Variants in SHLD2 observed in about 807,000 individuals in gnomAD.
SHLD2 encodes shieldin complex subunit 2.
SHLD2 carries 30 observed loss-of-function variants against 73.2 expected under a neutral mutation model. The ratio of observed to expected loss-of-function variants is 0.41; its 90% CI spans 0.31 to 0.56. The LOEUF (loss-of-function observed/expected upper bound fraction) is 0.56, where lower values mean the gene tolerates loss of function less well. Ranked by LOEUF, SHLD2 falls within the 20% of genes least tolerant of loss-of-function variation. The pLI is 0.28. For missense variants in SHLD2, 745 were observed against 1,055.9 expected, an observed-to-expected ratio of 0.71 and a Z score of 4.08; for synonymous variants, 285 against 370.1, an observed-to-expected ratio of 0.77 and a Z score of 2.64.
intron 2 of SHLD2, among the ~76,000 whole-genome samples, chr10:87,125,798 G>T (rs562868718): frequency 1.3e-5 from 2 of 152,120 alleles, no homozygotes; most frequent in African/African-American, 4.8e-5. Context: ...GTGGTGGCGG[G>T]TGCCTGTAAT....
rs575161015 is a variant in SHLD2 at position 87,140,698 on chromosome 10, G to A, written c.-5-10652G>A. On this transcript the variant is annotated intron_variant, in intron 2 of 9. Coordinates refer to ENST00000298786, the MANE Select transcript of SHLD2 (RefSeq NM_001330112.2). ...CTAGGTATGTAATAATAAAATTAGT[G>A]CCAGTCATGGTGGCTCATGCCTGTA... Among the ~76,000 whole-genome samples, 909 of 152,076 alleles carry A rather than the reference G, an allele frequency of 6.0e-3. 2 individuals carry two copies. Among genetic ancestry groups the A allele is most frequent in the Admixed American group, 0.013 (200 of 15,288 alleles).
chr10:87,184,093 CA>C (rs1848471945), intron 8 of SHLD2, among the ~76,000 whole-genome samples: 1 of 152,206 alleles, frequency 6.6e-6, no homozygotes, highest in Non-Finnish European at 1.5e-5. Context: ...TAACCACACT[CA>C]AATCTAGTTC....
At chr10:87,144,166 C>T (rs998556892) in intron 2 of SHLD2, among the ~76,000 whole-genome samples, 1 of 152,026 alleles carries the variant, frequency 6.6e-6, no homozygotes, top group Admixed American at 6.6e-5. Flanking sequence ...CCTGGCCTCA[C>T]CCTATTCCTA....
Position 87,191,307 on chromosome 10 carries a change from G to A in SHLD2, c.*624G>A, listed in dbSNP as rs1197942936. The stretch of plus-strand genomic sequence containing the variant: ...ACTGAATGCATTTACCAGCAAACAT[G>A]TAGCAATCTGTTCTCTCATTGTGAT... On this transcript the variant is annotated 3_prime_UTR_variant, in exon 10 of 10. Transcript: ENST00000298786. The A allele has an allele frequency of 1.3e-5, 2 of 156,362 alleles. No homozygotes were observed. The highest frequency in any genetic ancestry group is 2.8e-5 in the Non-Finnish European group (2 of 70,466). The allele number at this position is 156,362 out of a possible 1,614,324, so 9.7% of individuals were successfully genotyped here. A position where few individuals can be genotyped will look rare whatever the true frequency, so the allele number is the denominator to read the frequency against.
chr10:87,174,556 T>C (rs1273789523), intron 6 of SHLD2, among the ~76,000 whole-genome samples: 1 of 142,534 alleles, frequency 7.0e-6, no homozygotes, highest in Non-Finnish European at 1.5e-5. Context: ...AGATGTTTGA[T>C]GATTTTCCAC....
At chr10:87,144,431 C>G (rs1051646422) in intron 2 of SHLD2, among the ~76,000 whole-genome samples, 5 of 152,094 alleles carry the variant, frequency 3.3e-5, no homozygotes, top group Non-Finnish European at 7.3e-5. Flanking sequence ...GTTGAGAAGT[C>G]AGTTGTCTGC....
chr10:87,150,904 G>A (rs1845962852), intron 2 of SHLD2, among the ~76,000 whole-genome samples: 1 of 151,414 alleles, frequency 6.6e-6, no homozygotes, highest in African/African-American at 2.4e-5. Context: ...TAGGCTCACT[G>A]CAACCTCCGC....
At chr10:87,141,630 C>G (rs572529296) in intron 2 of SHLD2, among the ~76,000 whole-genome samples, 39 of 152,194 alleles carry the variant, frequency 2.6e-4, no homozygotes, top group African/African-American at 9.4e-4. Context: ...TACAAAATAG[C>G]TGGAAGAGGG....
At chr10:87,138,304 CAA>C (rs969234087) in intron 2 of SHLD2, among the ~76,000 whole-genome samples, 2 of 133,574 alleles carry the variant, frequency 1.5e-5, no homozygotes, top group African/African-American at 5.6e-5. Context: ...GTCTCAAAAA[CAA>C]AGAAAGAAAA....
At chr10:87,137,019 A>G (rs1322435737) in intron 2 of SHLD2, among the ~76,000 whole-genome samples, 1 of 152,188 alleles carries the variant, frequency 6.6e-6, no homozygotes, top group Non-Finnish European at 1.5e-5. Flanking sequence ...CTTTTTCTGG[A>G]AGTAAAATAT....
At chr10:87,097,359 G>T (rs1401573144) in intron 2 of SHLD2, among the ~76,000 whole-genome samples, 1 of 152,138 alleles carries the variant, frequency 6.6e-6, no homozygotes, top group South Asian at 2.1e-4. Flanking sequence ...TCAGGAGTTC[G>T]AGACCAGCCT....
chr10:87,140,444 T>G (rs1030732692), intron 2 of SHLD2, among the ~76,000 whole-genome samples: 4 of 135,068 alleles, frequency 3.0e-5, no homozygotes, highest in East Asian at 2.3e-4. Context: ...AAGAAAAAAA[T>G]AAGAAAATAG....
At chr10:87,131,356 C>G (rs947866877) in intron 2 of SHLD2, among the ~76,000 whole-genome samples, 4 of 152,166 alleles carry the variant, frequency 2.6e-5, no homozygotes, top group African/African-American at 9.7e-5. Context: ...ACTCATTAAG[C>G]AGTCACTCCC....
intron 2 of SHLD2, among the ~76,000 whole-genome samples, chr10:87,119,954 A>G (rs1379197812): frequency 3.3e-5 from 5 of 152,128 alleles, no homozygotes; most frequent in Admixed American, 2.6e-4. Context: ...AGAAAAATCT[A>G]TAGGGATTTC....
intron 9 of SHLD2, among the ~76,000 whole-genome samples, chr10:87,188,671 T>A (rs1467984378): frequency 6.6e-6 from 1 of 152,178 alleles, no homozygotes; most frequent in Non-Finnish European, 1.5e-5. Flanking sequence ...TTCCTGCCTG[T>A]ATGGAGGACC....
chr10:87,180,139 A>G lies in SHLD2; in HGVS notation c.2235A>G (p.Ile745Met), dbSNP rs995172337. Reference protein sequence around the residue: ...LAFPITASQKIALNAHSSLKS... With the variant: ...LAFPITASQKMALNAHSSLKS... ...TTCCTATTACAGCATCTCAGAAGAT[A>G]GCGCTAAATGCTCACAGTTCTCTGA... is the stretch of plus-strand genomic sequence containing the variant. The change falls in exon 8 of 10, where the codon ATA becomes ATG. Residue 745 changes from isoleucine to methionine, a missense_variant. Around this residue, in one of 5 missense-constraint regions of SHLD2, gnomAD observed 418 missense variants for 567.8 expected, o/e 0.74. Transcript: ENST00000298786. 6.2e-7 allele frequency: 1 copy of G among 1,613,820 alleles called. No individual in the cohort carries two copies.
chr10:87,160,252 T>C (rs1846707017), intron 4 of SHLD2, among the ~76,000 whole-genome samples: 1 of 151,732 alleles, frequency 6.6e-6, no homozygotes, highest in Admixed American at 6.6e-5. Context: ...TTTGGGTGGC[T>C]GAGGCAGGAG....
At chr10:87,095,653 A>G (rs1841797827) in intron 1 of SHLD2, among the ~76,000 whole-genome samples, 1 of 152,222 alleles carries the variant, frequency 6.6e-6, no homozygotes, top group Non-Finnish European at 1.5e-5. Flanking sequence ...TCACTCGCCC[A>G]CAAGCTCTCA....
At chr10:87,136,361 C>T (rs1844802431) in intron 2 of SHLD2, among the ~76,000 whole-genome samples, 1 of 150,824 alleles carries the variant, frequency 6.6e-6, no homozygotes, top group Non-Finnish European at 1.5e-5. Flanking sequence ...TATGCTTTAT[C>T]TAGTATATTT....
Sources: gnomAD v4.1 joint callset for allele counts (sites outside exome capture counted in the v4.1 genomes callset) on GRCh38, gnomAD v4.1.1 for gene constraint, gnomAD v4.1.1 regional missense constraint, MANE v1.5 for transcripts, NCBI Gene and HGNC (gene_info 2026-07-23, HGNC 2026-07-21) for gene names.